The following SYT16 variants were observed in gnomAD, a reference collection of about 807,000 sequenced individuals.
The protein encoded by SYT16 is synaptotagmin-16.
In SYT16, 42 loss-of-function variants were observed where a neutral mutation model predicts 61.4. The observed-to-expected ratio is 0.68, with a 90% CI of 0.53 to 0.89. The LOEUF (loss-of-function observed/expected upper bound fraction) is 0.89, where lower values mean the gene tolerates loss of function less well. Ranked by LOEUF, SYT16 falls within the 40% of genes least tolerant of loss-of-function variation. SYT16 has a pLI of 0.00. For synonymous variants in SYT16, 314 were observed against 302.3 expected, an observed-to-expected ratio of 1.04 and a Z score of -0.40; for missense variants, 804 against 807.3, an observed-to-expected ratio of 1.00 and a Z score of 0.05.
intron 3 of SYT16, among the ~76,000 whole-genome samples, chr14:62,048,207 G>C (rs1174875213): frequency 1.3e-5 from 2 of 152,188 alleles, no homozygotes; most frequent in Non-Finnish European, 2.9e-5. Context: ...AGTCTTGGGA[G>C]GGTGTATGTG....
At chr14:62,017,177 A>C (rs879776795) in intron 3 of SYT16, among the ~76,000 whole-genome samples, 4 of 152,244 alleles carry the variant, frequency 2.6e-5, no homozygotes, top group Non-Finnish European at 5.9e-5. Flanking sequence ...GGTTTTATTA[A>C]TAATTCTTTA....
intron 3 of SYT16, among the ~76,000 whole-genome samples, chr14:62,020,434 T>C (rs1364234295): frequency 6.6e-6 from 1 of 152,186 alleles, no homozygotes; most frequent in Non-Finnish European, 1.5e-5. Context: ...TCTGTCCTCT[T>C]CTCTCTCCGT....
In SYT16 at chr14:61,996,412, C is replaced by G; in HGVS notation, c.393C>G (p.Arg131=). The change falls in exon 3 of 8, where the codon CGC becomes CGG. Residue 131 remains arginine, a synonymous_variant. Coordinates refer to ENST00000683842, the MANE Select transcript of SYT16 (RefSeq NM_001367656.1). ...SQWPNWASDD[R]KLPHVLSSIA... ...GGCCCAATTGGGCCAGTGATGACCG[C>G]AAGTTACCACATGTGCTTTCTTCTA... 5 of 1,613,454 alleles carry G rather than the reference C, an allele frequency of 3.1e-6. No homozygotes were observed. Among genetic ancestry groups the G allele is most frequent in the South Asian group, 2.2e-5 (2 of 91,064 alleles).
At chr14:61,878,932 A>G (rs1412159340) in intron 1 of SYT16, among the ~76,000 whole-genome samples, 4 of 152,220 alleles carry the variant, frequency 2.6e-5, no homozygotes, top group African/African-American at 9.6e-5. Flanking sequence ...GGCAATGTCT[A>G]TGTAGCAAGC....
intron 1 of SYT16, among the ~76,000 whole-genome samples, chr14:61,836,199 C>T (rs2046123412): frequency 6.6e-6 from 1 of 152,222 alleles, no homozygotes; most frequent in Non-Finnish European, 1.5e-5. Flanking sequence ...ATCCTTCATA[C>T]ACATCATAGA....
rs1427469359 is a variant in SYT16 at position 62,078,151 on chromosome 14, C to CTATATATATA, written c.994-2682_994-2681insATATATATAT. On this transcript the variant is annotated intron_variant, in intron 5 of 7. Coordinates refer to ENST00000683842, the MANE Select transcript of SYT16 (RefSeq NM_001367656.1). The stretch of plus-strand genomic sequence containing the variant: ...TAGTGCTCTCTCGCTCTCTCTCTCT[C>CTATATATATA]TCTCTATATATATATATATAAACAC... Among the ~76,000 whole-genome samples the CTATATATATA allele has an allele frequency of 1.8e-3, 192 of 106,360 alleles. 1 individual carries two copies. Among genetic ancestry groups the CTATATATATA allele is most frequent in the African/African-American group, 7.2e-3 (147 of 20,326 alleles). The allele number at this position is 106,360 out of a possible 152,430, so 69.8% of individuals were successfully genotyped here.
chr14:62,010,713 ATTGT>A (rs893614899), intron 3 of SYT16, among the ~76,000 whole-genome samples: 9 of 152,244 alleles, frequency 5.9e-5, no homozygotes, highest in African/African-American at 1.2e-4. Flanking sequence ...TATTTCAAAA[ATTGT>A]TTGTCTTTTT....
At chr14:61,990,375 T>A (rs1428051557) in intron 2 of SYT16, among the ~76,000 whole-genome samples, 1 of 152,168 alleles carries the variant, frequency 6.6e-6, no homozygotes, top group Admixed American at 6.5e-5. Flanking sequence ...AAACCCATGG[T>A]TCTTGACTTT....
intron 3 of SYT16, among the ~76,000 whole-genome samples, chr14:62,026,999 A>G (rs528666305): frequency 6.6e-6 from 1 of 152,214 alleles, no homozygotes; most frequent in South Asian, 2.1e-4. Context: ...ATACATTTCA[A>G]TGCTGTGTGT....
intron 2 of SYT16, among the ~76,000 whole-genome samples, chr14:61,992,948 G>A (rs2052616068): frequency 6.6e-6 from 1 of 152,008 alleles, no homozygotes; most frequent in South Asian, 2.1e-4. Flanking sequence ...TTTAAAACTA[G>A]GAGAATGATC....
At chr14:61,828,592 C>T (rs188995521) in intron 1 of SYT16, among the ~76,000 whole-genome samples, 20 of 152,322 alleles carry the variant, frequency 1.3e-4, no homozygotes, top group Admixed American at 5.2e-4. Context: ...AAATGTGCTA[C>T]TTCCACCCCA....
At chr14:62,076,274 T>C (rs2056492667) in intron 5 of SYT16, among the ~76,000 whole-genome samples, 1 of 152,186 alleles carries the variant, frequency 6.6e-6, no homozygotes, top group African/African-American at 2.4e-5. Context: ...TAATTTGAAA[T>C]TAATTTTGAT....
chr14:62,084,056 T>G, intron 6 of SYT16, 140 bp from the exon 7 acceptor site: 1 of 931,246 alleles, frequency 1.1e-6, no homozygotes, highest in Non-Finnish European at 1.6e-6. Flanking sequence ...CCCATTGTAA[T>G]TCACGCCGAG....
chr14:62,055,920 CTG>C (rs1032894685), intron 3 of SYT16, among the ~76,000 whole-genome samples: 3 of 152,184 alleles, frequency 2.0e-5, no homozygotes, highest in Non-Finnish European at 4.4e-5. Flanking sequence ...CAGCCTCAGT[CTG>C]TGGTCGAAAG....
chr14:62,055,016 G>C (rs757807234), intron 3 of SYT16, among the ~76,000 whole-genome samples: 1 of 152,210 alleles, frequency 6.6e-6, no homozygotes, highest in East Asian at 1.9e-4. Context: ...TCTAGTCAGA[G>C]AATTTGTAAA....
intron 1 of SYT16, among the ~76,000 whole-genome samples, chr14:61,824,709 A>AT (rs893882981): frequency 7.9e-5 from 12 of 152,072 alleles, no homozygotes; most frequent in South Asian, 2.1e-4. Context: ...TGAGGCTGCC[A>AT]TTTTTTTCCT....
At chr14:62,054,541 T>A (rs1456369442) in intron 3 of SYT16, among the ~76,000 whole-genome samples, 2 of 151,940 alleles carry the variant, frequency 1.3e-5, no homozygotes, top group Non-Finnish European at 1.5e-5. Context: ...TTGTATTTTT[T>A]TGTAGAGGTA....
chr14:62,069,462 A>C, intron 3 of SYT16, 141 bp from the exon 4 acceptor site: 1 of 814,760 alleles, frequency 1.2e-6, no homozygotes, highest in Non-Finnish European at 2.0e-6. Flanking sequence ...AAGTGCTTTA[A>C]ATTTTTTTTC....
At position 62,106,824 on chromosome 14, in the gene SYT16, C is replaced by A. The variant is rs1291427491; in HGVS notation, c.*6117C>A. ...CACCTTATTTATATCCACTGTGGAACCTGTGAAACAGCTCGAGGCTTTACA... is the reference window on the plus strand; with the variant it reads ...CACCTTATTTATATCCACTGTGGAAACTGTGAAACAGCTCGAGGCTTTACA... On this transcript the variant is annotated 3_prime_UTR_variant, in exon 8 of 8. Transcript: ENST00000683842. 6.6e-6 allele frequency: 1 copy of A among 152,066 alleles called. No individual in the cohort carries two copies. The highest frequency in any genetic ancestry group is 6.6e-5 in the Admixed American group (1 of 15,264). The allele number at this position is 152,066 out of a possible 1,614,324, so 9.4% of individuals were successfully genotyped here.
Sources: allele counts gnomAD v4.1 joint callset (sites outside exome capture counted in the v4.1 genomes callset), GRCh38; gene constraint gnomAD v4.1.1; transcripts MANE v1.5; gene names NCBI Gene and HGNC (gene_info 2026-07-23, HGNC 2026-07-21).